Variants in KIAA2012 observed in about 807,000 individuals in gnomAD.
KIAA2012 encodes KIAA2012, also known as uncharacterized protein KIAA2012.
KIAA2012 carries 125 observed loss-of-function variants against 150.6 expected under a neutral mutation model. The observed-to-expected ratio is 0.83, with a 90% CI of 0.72 to 0.96. The LOEUF is 0.96. Among genes scored for constraint, KIAA2012 ranks in the 40% least tolerant of loss-of-function variants. KIAA2012 has a pLI of 0.00. For missense variants in KIAA2012, 1,219 were observed against 1,354.9 expected, an observed-to-expected ratio of 0.90 and a Z score of 1.57; for synonymous variants, 462 against 504.7, an observed-to-expected ratio of 0.92 and a Z score of 1.13.
intron 11 of KIAA2012, among the ~76,000 whole-genome samples, chr2:202,117,252 G>T (rs1690550512): frequency 6.6e-6 from 1 of 152,220 alleles, no homozygotes; most frequent in Non-Finnish European, 1.5e-5. Context: ...GTGTCATTTT[G>T]TGATGGTCTG....
intron 15 of KIAA2012, among the ~76,000 whole-genome samples, chr2:202,172,197 A>T (rs34189321): frequency 0.1 from 15,177 of 152,286 alleles, 991 homozygotes; most frequent in Non-Finnish European, 0.13. Flanking sequence ...TATCCTCACT[A>T]TAACCTTATG....
intron 15 of KIAA2012, among the ~76,000 whole-genome samples, chr2:202,176,991 G>A (rs747433403): frequency 6.6e-6 from 1 of 151,946 alleles, no homozygotes; most frequent in African/African-American, 2.4e-5. Flanking sequence ...ACCTAAAAAG[G>A]TTCATTGAAA....
intron 22 of KIAA2012, chr2:202,197,488 TA>T (rs1328348443): frequency 6.1e-6 from 1 of 163,174 alleles, no homozygotes; most frequent in Non-Finnish European, 1.4e-5. Flanking sequence ...ATTTACATTC[TA>T]GGGGTGGGAA....
intron 6 of KIAA2012, 134 bp downstream of exon 6, chr2:202,099,930 G>A: frequency 1.2e-6 from 1 of 824,776 alleles, no homozygotes; most frequent in Non-Finnish European, 1.8e-6. Flanking sequence ...GAATCTAGCT[G>A]GACGTGGGAA....
intron 21 of KIAA2012, 81 bp from the exon 22 acceptor site, chr2:202,196,719 C>A: frequency 6.7e-7 from 1 of 1,486,880 alleles, no homozygotes. Flanking sequence ...CCTTCAGAAT[C>A]ACAGATTTGA....
At chr2:202,199,457 A>AT (rs1222752112) in intron 22 of KIAA2012, among the ~76,000 whole-genome samples, 1 of 151,642 alleles carries the variant, frequency 6.6e-6, no homozygotes, top group East Asian at 1.9e-4. Context: ...TGTATTTTTT[A>AT]TTTTTTTTAT....
chr2:202,125,363 C>G, intron 12 of KIAA2012, 81 bp downstream of exon 12: 1 of 1,044,850 alleles, frequency 9.6e-7, no homozygotes, highest in Non-Finnish European at 1.4e-6. Flanking sequence ...TATAGACCTC[C>G]AGAAACCCAC....
chr2:202,202,521 C>G lies in KIAA2012; in HGVS notation c.3500C>G (p.Pro1167Arg). The G allele has an allele frequency of 2.5e-6, 1 of 399,018 alleles. No individual in the cohort carries two copies. Among genetic ancestry groups the G allele is most frequent in the Non-Finnish European group, 4.4e-6 (1 of 226,076 alleles). The allele number at this position is 399,018 out of a possible 1,614,324, so 24.7% of individuals were successfully genotyped here. The change falls in exon 23 of 24, where the codon CCA becomes CGA. Residue 1167 changes from proline (P) to arginine (R), a missense_variant. By Grantham distance (103) the Pro-to-Arg change is moderately radical. Transcript: ENST00000498697. The part of the protein sequence containing the change: ...GLQWTQNISR[P>R]WVYSYFQFLQ... ...CAGTGGACACAGAACATTTCCAGAC[C>G]ATGGGTTTACTCTTATTTCCAGTTC...
chr2:202,087,320 C>T (rs1283043097), intron 2 of KIAA2012, among the ~76,000 whole-genome samples: 1 of 151,970 alleles, frequency 6.6e-6, no homozygotes, highest in East Asian at 1.9e-4. Context: ...CAAGACCAGC[C>T]TGGCCAACAT....
intron 11 of KIAA2012, among the ~76,000 whole-genome samples, chr2:202,120,871 G>A (rs534870480): frequency 6.6e-6 from 1 of 152,200 alleles, no homozygotes; most frequent in South Asian, 2.1e-4. Flanking sequence ...TTTATAAAAG[G>A]AATAATGGAA....
At chr2:202,101,049 C>T (rs527913706) in intron 7 of KIAA2012, among the ~76,000 whole-genome samples, 5 of 152,260 alleles carry the variant, frequency 3.3e-5, no homozygotes, top group South Asian at 2.1e-4. Context: ...ATGTTCTGCC[C>T]GGAGTAGCTA....
intron 1 of KIAA2012, 146 bp downstream of exon 1, chr2:202,073,857 T>A: frequency 3.1e-6 from 2 of 648,948 alleles, no homozygotes; most frequent in South Asian, 2.1e-5. Flanking sequence ...TCCTCCTTCA[T>A]GAAACTCAAG....
chr2:202,111,643 A>G (rs1320860092), intron 10 of KIAA2012, among the ~76,000 whole-genome samples: 1 of 151,684 alleles, frequency 6.6e-6, no homozygotes, highest in Non-Finnish European at 1.5e-5. Flanking sequence ...GTGTGCTTAT[A>G]TGCCCATGAG....
intron 13 of KIAA2012, among the ~76,000 whole-genome samples, chr2:202,143,341 C>A (rs1169097119): frequency 6.6e-6 from 1 of 151,892 alleles, no homozygotes; most frequent in Non-Finnish European, 1.5e-5. Context: ...CCGCCTTGGC[C>A]TCCCAAAGTG....
intron 5 of KIAA2012, among the ~76,000 whole-genome samples, chr2:202,099,246 T>C (rs1006181557): frequency 6.6e-6 from 1 of 152,090 alleles, no homozygotes; most frequent in Non-Finnish European, 1.5e-5. Flanking sequence ...TGCCTCGGCC[T>C]CCCAAAGTGC....
At chr2:202,133,701 C>G (rs1691007809) in intron 12 of KIAA2012, among the ~76,000 whole-genome samples, 1 of 152,164 alleles carries the variant, frequency 6.6e-6, no homozygotes, top group South Asian at 2.1e-4. Context: ...TCACCCTCCT[C>G]CTCATTCAGG....
chr2:202,179,683 G>A lies in KIAA2012; in HGVS notation c.2120-5070G>A, dbSNP rs978109421. ...TCAGTCAGGTGGTGTTTGTCCATTTGGAGTTTCTTTACTTGTTTGTGGTTG... is the reference window on the plus strand; with the variant it reads ...TCAGTCAGGTGGTGTTTGTCCATTTAGAGTTTCTTTACTTGTTTGTGGTTG... On this transcript the variant is annotated intron_variant, in intron 15 of 23. Transcript: ENST00000498697. 1.2e-5 allele frequency: 8 copies of A among 661,134 alleles called. No individual in the cohort carries two copies. In the African/African-American group the frequency reaches 1.3e-4, roughly 10 times the overall value. 41.0% of individuals were successfully genotyped at this position (661,134 alleles called of 1,614,324 possible).
intron 4 of KIAA2012, 126 bp from the exon 5 acceptor site, chr2:202,097,309 A>AGG: frequency 7.1e-7 from 1 of 1,411,110 alleles, no homozygotes; most frequent in Non-Finnish European, 9.5e-7. Context: ...ATAAGGGAGG[A>AGG]GGGGGAGCAA....
rs1459485518 is a variant in KIAA2012 at position 202,148,554 on chromosome 2, C to T, written c.1909-6119C>T. Among the ~76,000 whole-genome samples, 4 of 152,144 alleles carry T rather than the reference C, an allele frequency of 2.6e-5. No homozygotes were observed. The East Asian group carries it at 7.7e-4, about 29-fold the overall frequency. On this transcript the variant is annotated intron_variant, in intron 13 of 23. Coordinates refer to ENST00000498697, the MANE Select transcript of KIAA2012 (RefSeq NM_001277372.4). ...ATGTAAAAAGTGGGCCCAGACCTCACGTGGCCAAGAAGAGCAGGATGACCC... is the reference window on the plus strand; with the variant it reads ...ATGTAAAAAGTGGGCCCAGACCTCATGTGGCCAAGAAGAGCAGGATGACCC...
Sources: allele counts gnomAD v4.1 joint callset (sites outside exome capture counted in the v4.1 genomes callset), GRCh38; gene constraint gnomAD v4.1.1; transcripts MANE v1.5; gene names NCBI Gene and HGNC (gene_info 2026-07-23, HGNC 2026-07-21).